CTNNA1: variants seen among roughly 807,000 people sequenced by gnomAD.
CTNNA1 encodes the protein catenin alpha-1.
CTNNA1 carries 37 observed loss-of-function variants against 98.4 expected under a neutral mutation model. The ratio of observed to expected loss-of-function variants is 0.38; its 90% CI spans 0.29 to 0.49. The LOEUF is 0.49. CTNNA1 is among the 20% of genes least tolerant of loss of function. The pLI is 0.95. For missense variants in CTNNA1, 761 were observed against 1,147.2 expected (o/e 0.66, Z 4.86); for synonymous variants, 404 against 413.2 (o/e 0.98, Z 0.27).
At chr5:138,778,710 C>T (rs1754692600) in intron 1 of CTNNA1, among the ~76,000 whole-genome samples, 2 of 152,126 alleles carry the variant, frequency 1.3e-5, no homozygotes. Flanking sequence ...ATTGTTCTTT[C>T]TACATTTATT....
chr5:138,754,313 G>C (rs1200602145), intron 1 of CTNNA1: 1 of 150,038 alleles, frequency 6.7e-6, no homozygotes, highest in African/African-American at 2.4e-5. Context: ...TGGAAAAAAT[G>C]TTGCCTGAAT....
At chr5:138,901,402 C>T (rs762172576) in intron 9 of CTNNA1, among the ~76,000 whole-genome samples, 5 of 152,190 alleles carry the variant, frequency 3.3e-5, no homozygotes, top group South Asian at 2.1e-4. Context: ...TCAAGCAGTC[C>T]GCCCACCTCG....
intron 11 of CTNNA1, among the ~76,000 whole-genome samples, chr5:138,918,148 C>A (rs1762195730): frequency 6.6e-6 from 1 of 152,114 alleles, no homozygotes; most frequent in South Asian, 2.1e-4. Context: ...ATCCTAGGAG[C>A]ATGAATTAGA....
chr5:138,801,015 T>G (rs1393478035), intron 3 of CTNNA1, among the ~76,000 whole-genome samples: 1 of 152,190 alleles, frequency 6.6e-6, no homozygotes, highest in Non-Finnish European at 1.5e-5. Context: ...GTACTAAACA[T>G]GATGAATGAG....
intron 3 of CTNNA1, among the ~76,000 whole-genome samples, chr5:138,785,665 A>G (rs942295912): frequency 1.3e-5 from 2 of 152,058 alleles, no homozygotes; most frequent in Non-Finnish European, 2.9e-5. Flanking sequence ...GGTTCAAGCG[A>G]TTCTTCTGCC....
intron 5 of CTNNA1, among the ~76,000 whole-genome samples, chr5:138,817,279 C>T (rs1275712256): frequency 6.6e-6 from 1 of 152,178 alleles, no homozygotes; most frequent in African/African-American, 2.4e-5. Flanking sequence ...TGGGAATTCC[C>T]TTTTATGTGA....
At chr5:138,848,589 G>A (rs1762928989) in intron 7 of CTNNA1, among the ~76,000 whole-genome samples, 2 of 152,146 alleles carry the variant, frequency 1.3e-5, no homozygotes, top group South Asian at 4.1e-4. Context: ...TCTAAAGACT[G>A]TGTCCCTGTT....
intron 3 of CTNNA1, among the ~76,000 whole-genome samples, chr5:138,794,232 G>T (rs1756687022): frequency 6.6e-6 from 1 of 152,038 alleles, no homozygotes; most frequent in Non-Finnish European, 1.5e-5. Flanking sequence ...GGCCAGGCTG[G>T]TCTTGAACTC....
chr5:138,933,441 C>G (rs770834223), intron 17 of CTNNA1, among the ~76,000 whole-genome samples: 1 of 152,170 alleles, frequency 6.6e-6, no homozygotes, highest in South Asian at 2.1e-4. Flanking sequence ...TCTGCTTTGC[C>G]ATAAACATCC....
In CTNNA1 at chr5:138,866,796, A is replaced by G. The variant is rs61623993; in HGVS notation, c.1063-19416A>G. Among the ~76,000 whole-genome samples the G allele has an allele frequency of 1.9e-3, 291 of 152,308 alleles. 5 individuals are homozygous for G. In the East Asian group the frequency reaches 0.043, roughly 22 times the overall value. ...GTCCTTTAAGAGTATTCCCAAAACA[A>G]GTATTGAGGATAAAGGTCAAATTCA... On this transcript the variant is annotated intron_variant, in intron 7 of 17. Transcript: ENST00000302763.
At chr5:138,914,622 A>G (rs992802675) in intron 10 of CTNNA1, among the ~76,000 whole-genome samples, 3 of 151,806 alleles carry the variant, frequency 2.0e-5, no homozygotes, top group African/African-American at 7.3e-5. Flanking sequence ...TAGCGGCACC[A>G]ATCTAGTGGG....
rs28363496 is a variant in CTNNA1, at chr5:138,931,795, C to T, written c.2299-783C>T. On this transcript the variant is annotated intron_variant, in intron 16 of 17. Transcript: ENST00000302763. ...TTCCATGACTACTTAGAATACAGCT[C>T]ATCTCCAGTATGGTCTGCGGGGTCT... 21 of 985,524 alleles carry T rather than the reference C, an allele frequency of 2.1e-5. No individual in the cohort carries two copies. In the East Asian group the frequency reaches 9.1e-4, roughly 43 times the overall value. The allele number at this position is 985,524 out of a possible 1,614,324, so 61.0% of individuals were successfully genotyped here.
intron 10 of CTNNA1, among the ~76,000 whole-genome samples, chr5:138,916,442 G>A (rs1277326251): frequency 6.8e-6 from 1 of 147,722 alleles, no homozygotes; most frequent in Non-Finnish European, 1.5e-5. Flanking sequence ...TGTCCAGGCT[G>A]GTCTCGAACT....
intron 7 of CTNNA1, among the ~76,000 whole-genome samples, chr5:138,846,679 C>T (rs1171423120): frequency 1.3e-5 from 2 of 152,014 alleles, no homozygotes; most frequent in East Asian, 3.9e-4. Context: ...ATGGGACAAA[C>T]TAATGGCCTA....
intron 5 of CTNNA1, among the ~76,000 whole-genome samples, chr5:138,817,348 A>G (rs796500367): frequency 3.9e-5 from 6 of 152,260 alleles, no homozygotes; most frequent in African/African-American, 7.2e-5. Flanking sequence ...ACTTTTGACA[A>G]TTTGACTATA....
chr5:138,826,929 C>T (rs564129376), intron 6 of CTNNA1, among the ~76,000 whole-genome samples: 3 of 152,290 alleles, frequency 2.0e-5, no homozygotes, highest in East Asian at 1.9e-4. Flanking sequence ...GGACTATAGG[C>T]GTGTGCCACC....
chr5:138,932,682 G>A lies in CTNNA1; in HGVS notation c.2403G>A (p.Gln801=), dbSNP rs757984994. The A allele has an allele frequency of 3.7e-6, 6 of 1,614,214 alleles. No individual in the cohort carries two copies. Among genetic ancestry groups the A allele is most frequent in the East Asian group, 2.2e-5 (1 of 44,884 alleles). The change falls in exon 17 of 18, where the codon CAG becomes CAA. Residue 801 remains glutamine (Q), a synonymous_variant. Transcript: ENST00000302763. The stretch of plus-strand genomic sequence containing the variant: ...GCAGCAAGGTCAAGGCCGAGGTGCA[G>A]AATCTCGGCGGGGAGCTTGTTGTCT... ...NICSKVKAEV[Q]NLGGELVVSG...
At chr5:138,853,149 CTT>C (rs1331116345) in intron 7 of CTNNA1, among the ~76,000 whole-genome samples, 5 of 145,846 alleles carry the variant, frequency 3.4e-5, no homozygotes, top group Admixed American at 6.9e-5. Flanking sequence ...TTCATTATTA[CTT>C]TTTTTTTTTT....
intron 3 of CTNNA1, among the ~76,000 whole-genome samples, chr5:138,792,631 G>T (rs1756505425): frequency 6.6e-6 from 1 of 152,138 alleles, no homozygotes; most frequent in Non-Finnish European, 1.5e-5. Context: ...ATTTTAATTT[G>T]TCTGATCTGG....
Sources: gnomAD v4.1 joint callset for allele counts (sites outside exome capture counted in the v4.1 genomes callset) on GRCh38, gnomAD v4.1.1 for gene constraint, MANE v1.5 for transcripts, NCBI Gene and HGNC (gene_info 2026-07-23, HGNC 2026-07-21) for gene names.